The following DOP1B variants were observed in gnomAD, a reference collection of about 807,000 sequenced individuals.
DOP1B encodes protein DOP1B.
DOP1B carries 174 observed loss-of-function variants against 233.5 expected under a neutral mutation model. The ratio of observed to expected loss-of-function variants is 0.75; its 90% CI spans 0.66 to 0.85. The LOEUF (loss-of-function observed/expected upper bound fraction) is 0.85, where lower values mean the gene tolerates loss of function less well. DOP1B is among the 40% of genes least tolerant of loss of function. The pLI is 0.00. For synonymous variants in DOP1B, 1,190 were observed against 1,185.6 expected, an observed-to-expected ratio of 1.00 and a Z score of -0.08; for missense variants, 2,652 against 2,846.6, an observed-to-expected ratio of 0.93 and a Z score of 1.56.
At chr21:36,211,424 A>G in intron 5 of DOP1B, 129 bp from the exon 6 acceptor site, 1 of 787,734 alleles carries the variant, frequency 1.3e-6, no homozygotes, top group Non-Finnish European at 2.1e-6. Context: ...CACCCTCCTG[A>G]CCTGTGGCTG....
At position 36,293,392 on chromosome 21, in the gene DOP1B, A is replaced by G. The variant is rs993309876; in HGVS notation, c.6718A>G (p.Ile2240Val). Residue 2240 changes from isoleucine (I) to valine (V), a missense_variant, in exon 37 of 37, where the codon ATC becomes GTC. Around this residue, in one of 3 missense-constraint regions of DOP1B, gnomAD observed 2,617 missense variants for 2,794.3 expected, o/e 0.94. Transcript: ENST00000691173. ...PLLRQHSVSS[I>V]RQLMPFFMTL... ...TCTGCGCCAACATTCTGTTTCCAGC[A>G]TCAGGCAGTTGATGCCATTCTTCAT... 7.1e-5 allele frequency: 115 copies of G among 1,614,060 alleles called. No individual in the cohort carries two copies. Among genetic ancestry groups the G allele is most frequent in the Non-Finnish European group, 9.2e-5 (109 of 1,180,052 alleles).
intron 26 of DOP1B, among the ~76,000 whole-genome samples, chr21:36,265,908 T>C (rs963421885): frequency 6.6e-6 from 1 of 152,186 alleles, no homozygotes; most frequent in Non-Finnish European, 1.5e-5. Flanking sequence ...CTAGTAGTTC[T>C]GCAGTGGACA....
intron 32 of DOP1B, among the ~76,000 whole-genome samples, chr21:36,283,936 C>CTT (rs547999186): frequency 0.023 from 2,340 of 100,822 alleles, 81 homozygotes; most frequent in African/African-American, 0.083. Context: ...ACACCTGTTC[C>CTT]TTTTTTTTTT....
intron 12 of DOP1B, 29 bp downstream of exon 12, chr21:36,225,696 G>T (rs375177464): frequency 8.7e-6 from 14 of 1,607,558 alleles, no homozygotes; most frequent in Non-Finnish European, 1.2e-5. Flanking sequence ...ACATCTCAAC[G>T]CCTGCTATTA....
chr21:36,211,551 A>T lies in DOP1B; in HGVS notation c.682-2A>T. ...ATGCTAGTGCCGTTTGATCGTTTACAGGTGAAGTCTTTGCGTGCCTCCCTG... is the reference window on the plus strand; with the variant it reads ...ATGCTAGTGCCGTTTGATCGTTTACTGGTGAAGTCTTTGCGTGCCTCCCTG... On this transcript the variant is annotated splice_acceptor_variant, in intron 5 of 36. Transcript: ENST00000691173. LOFTEE classifies it high-confidence loss of function. 6.2e-7 allele frequency: 1 copy of T among 1,613,952 alleles called. No homozygotes were observed. The highest frequency in any genetic ancestry group is 1.3e-5 in the African/African-American group (1 of 75,062).
At chr21:36,233,144 G>C in intron 15 of DOP1B, 69 bp downstream of exon 15, 4 of 1,539,196 alleles carry the variant, frequency 2.6e-6, no homozygotes, top group Non-Finnish European at 3.5e-6. Flanking sequence ...GAACCGTATT[G>C]CTGGGGATGG....
rs1454412288 is a variant in DOP1B, at chr21:36,156,934, C to T, written c.-36C>T. ...ACGTGAGCGCGCCCGCCAACAGGGCCACTGCCGCGGTAAGTCGTGCCTGCG... is the reference window on the plus strand; with the variant it reads ...ACGTGAGCGCGCCCGCCAACAGGGCTACTGCCGCGGTAAGTCGTGCCTGCG... On this transcript the variant is annotated 5_prime_UTR_variant, in exon 1 of 37. Coordinates refer to ENST00000691173, the MANE Select transcript of DOP1B (RefSeq NM_001320714.2). 6.6e-6 allele frequency: 1 copy of T among 152,344 alleles called. No homozygotes were observed. The highest frequency in any genetic ancestry group is 1.5e-5 in the Non-Finnish European group (1 of 68,150). The allele number at this position is 152,344 out of a possible 1,614,324, so 9.4% of individuals were successfully genotyped here. A position where few individuals can be genotyped will look rare whatever the true frequency, so the allele number is the denominator to read the frequency against.
intron 10 of DOP1B, among the ~76,000 whole-genome samples, chr21:36,220,061 C>T (rs555084907): frequency 6.4e-4 from 97 of 152,258 alleles, no homozygotes; most frequent in Non-Finnish European, 1.2e-3. Flanking sequence ...CAGTTACACA[C>T]AAACCCTGTT....
intron 32 of DOP1B, 107 bp from the exon 33 acceptor site, chr21:36,287,907 G>C (rs1018252612): frequency 2.9e-5 from 40 of 1,383,878 alleles, no homozygotes; most frequent in Non-Finnish European, 3.4e-5. Context: ...TCCTTACACT[G>C]GGTTGTTACT....
chr21:36,261,133 G>A (rs2067165643), intron 24 of DOP1B: 12 of 981,176 alleles, frequency 1.2e-5, no homozygotes, highest in Non-Finnish European at 1.3e-5. Flanking sequence ...GGGAGGTGGA[G>A]GCAGGCGGAT....
chr21:36,165,903 G>T (rs1332901655), intron 2 of DOP1B, among the ~76,000 whole-genome samples: 1 of 150,454 alleles, frequency 6.6e-6, no homozygotes, highest in Non-Finnish European at 1.5e-5. Flanking sequence ...TTTTAGTAGA[G>T]ACTGGGTTTC....
At chr21:36,211,781 A>G (rs914623000) in intron 6 of DOP1B, 130 bp downstream of exon 6, 3 of 1,295,236 alleles carry the variant, frequency 2.3e-6, no homozygotes, top group Non-Finnish European at 2.2e-6. Flanking sequence ...GCCAGTGAAA[A>G]GTCCTTGTTC....
intron 28 of DOP1B, 127 bp downstream of exon 28, chr21:36,277,227 C>T: frequency 1.1e-6 from 1 of 882,202 alleles, no homozygotes; most frequent in Non-Finnish European, 1.7e-6. Context: ...GCTCGTCCAT[C>T]AGGCAGCATT....
chr21:36,168,935 T>G, intron 2 of DOP1B: 2 of 613,986 alleles, frequency 3.3e-6, no homozygotes, highest in East Asian at 3.0e-5. Flanking sequence ...TAACTTTTAT[T>G]GAGACCCCAC....
chr21:36,252,941 A>T (rs1846778402), intron 22 of DOP1B, among the ~76,000 whole-genome samples: 1 of 151,982 alleles, frequency 6.6e-6, no homozygotes, highest in South Asian at 2.1e-4. Flanking sequence ...CCTGCTCGGG[A>T]TCTGCTGCTG....
In DOP1B at chr21:36,245,567, A is replaced by G; in HGVS notation, c.3587A>G (p.Glu1196Gly). ...TQASESFSSD[E>G]EADLELQALT... is the part of the protein sequence containing the mutation. Reference sequence around the variant, plus strand: ...GCTTCTGAGTCGTTCTCCAGCGACGAGGAGGCGGACTTGGAGCTCCAGGCC... The same window carrying G: ...GCTTCTGAGTCGTTCTCCAGCGACGGGGAGGCGGACTTGGAGCTCCAGGCC... Residue 1196 changes from glutamate to glycine, a missense_variant, in exon 19 of 37, where the codon GAG becomes GGG. Glu to Gly is a moderately conservative substitution (Grantham distance 98, BLOSUM62 -2). This residue lies in a region of DOP1B where 2,617 missense variants were observed against 2,794.3 expected (regional missense o/e 0.94). Coordinates refer to ENST00000691173, the MANE Select transcript of DOP1B (RefSeq NM_001320714.2). The surrounding 1 kb of genome is among the most constrained non-coding windows in gnomAD (Gnocchi z 5.5). 6.2e-7 allele frequency: 1 copy of G among 1,613,534 alleles called. No individual in the cohort carries two copies. Among genetic ancestry groups the G allele is most frequent in the Non-Finnish European group, 8.5e-7 (1 of 1,179,950 alleles).
In DOP1B at chr21:36,212,013, A is replaced by G. The variant is rs761366016; in HGVS notation, c.820A>G (p.Ile274Val). Residue 274 changes from isoleucine to valine, a missense_variant, in exon 7 of 37, where the codon ATC becomes GTC. This residue lies in a region of DOP1B where 2,617 missense variants were observed against 2,794.3 expected (regional missense o/e 0.94). Coordinates refer to ENST00000691173, the MANE Select transcript of DOP1B (RefSeq NM_001320714.2). ...AGCCATCCCCCTCCTCAGATCTGACATCGTGCGCATTCTCTCAGCCGCCAC... is the reference window on the plus strand; with the variant it reads ...AGCCATCCCCCTCCTCAGATCTGACGTCGTGCGCATTCTCTCAGCCGCCAC... ...ERAIPLLRSDIVRILSAATQT... is the reference protein window; with the variant it reads ...ERAIPLLRSDVVRILSAATQT... The G allele has an allele frequency of 3.1e-6, 5 of 1,614,070 alleles. No homozygotes were observed. In the South Asian group the frequency reaches 3.3e-5, roughly 11 times the overall value.
intron 18 of DOP1B, among the ~76,000 whole-genome samples, chr21:36,243,755 C>T (rs1188906671): frequency 6.6e-6 from 1 of 151,746 alleles, no homozygotes; most frequent in African/African-American, 2.4e-5. Context: ...TCACTGCAGT[C>T]TCGAACTCCT....
intron 26 of DOP1B, among the ~76,000 whole-genome samples, chr21:36,268,359 C>T (rs534340523): frequency 2.0e-5 from 3 of 152,052 alleles, no homozygotes; most frequent in Admixed American, 2.0e-4. Flanking sequence ...CTCTTTTTTC[C>T]CAACCCCACA....
Sources: allele counts gnomAD v4.1 joint callset (sites outside exome capture counted in the v4.1 genomes callset), GRCh38; gene constraint gnomAD v4.1.1; regional missense constraint gnomAD v4.1.1; non-coding constraint Gnocchi (gnomAD v3.1); transcripts MANE v1.5; gene names NCBI Gene and HGNC (gene_info 2026-07-23, HGNC 2026-07-21).